Variants in TMEM123 observed in about 807,000 individuals in gnomAD.
TMEM123 encodes porimin.
TMEM123 carries 16 observed loss-of-function variants against 19.7 expected under a neutral mutation model. The ratio of observed to expected loss-of-function variants is 0.81; its 90% confidence interval spans 0.55 to 1.23. TMEM123 has a LOEUF of 1.23. TMEM123 is among the 50% of genes most tolerant of loss of function. TMEM123 has a pLI of 0.00. For synonymous variants in TMEM123, 118 were observed against 99.4 expected (o/e 1.19, Z -1.12); for missense variants, 313 against 257.8 (o/e 1.21, Z -1.47).
At chr11:102,425,868 G>C (rs370374300) in intron 2 of TMEM123, among the ~76,000 whole-genome samples, 5 of 152,014 alleles carry the variant, frequency 3.3e-5, no homozygotes, top group African/African-American at 1.2e-4. Context: ...CATTGTGCCC[G>C]GCCCTCGAGA....
intron 2 of TMEM123, among the ~76,000 whole-genome samples, chr11:102,422,126 AATC>A (rs1444360119): frequency 1.3e-5 from 2 of 152,226 alleles, no homozygotes; most frequent in East Asian, 1.9e-4. Flanking sequence ...ACTGCACTAG[AATC>A]ATCATCAATC....
chr11:102,442,482 A>C (rs1294124713), intron 2 of TMEM123, among the ~76,000 whole-genome samples: 3 of 152,190 alleles, frequency 2.0e-5, no homozygotes, highest in Non-Finnish European at 4.4e-5. Context: ...AAAGGCCTTC[A>C]ACAAAATTCA....
At position 102,398,551 on chromosome 11, in the gene TMEM123, G is replaced by T. The variant is rs1473281382; in HGVS notation, c.*316C>A. 2.3e-6 allele frequency: 1 copy of T among 439,712 alleles called. No homozygotes were observed. 27.2% of individuals were successfully genotyped at this position (439,712 alleles called of 1,614,324 possible). A position where few individuals can be genotyped will look rare whatever the true frequency, so the allele number is the denominator to read the frequency against. ...TGGCATTCTGTCTTTCAGTGATGAC[G>T]TCTTTCAATTACTGGTCATATGTGA... On this transcript the variant is annotated 3_prime_UTR_variant, in exon 5 of 5. Coordinates refer to ENST00000398136, the MANE Select transcript of TMEM123 (RefSeq NM_052932.3).
At chr11:102,419,509 A>C (rs1476937227) in intron 2 of TMEM123, among the ~76,000 whole-genome samples, 2 of 152,234 alleles carry the variant, frequency 1.3e-5, no homozygotes, top group African/African-American at 4.8e-5. Flanking sequence ...ATCAGCTCTC[A>C]GCTACCTAAA....
chr11:102,401,094 T>G (rs529321875), intron 4 of TMEM123, among the ~76,000 whole-genome samples: 114 of 152,312 alleles, frequency 7.5e-4, no homozygotes, highest in African/African-American at 2.6e-3. Context: ...ATTTAAATTT[T>G]CAGGGATAAT....
At chr11:102,416,374 G>C (rs1475650375) in intron 2 of TMEM123, among the ~76,000 whole-genome samples, 1 of 152,076 alleles carries the variant, frequency 6.6e-6, no homozygotes, top group East Asian at 1.9e-4. Flanking sequence ...AGACTATTAT[G>C]AACACCACTA....
At chr11:102,427,064 C>T (rs1226154468) in intron 2 of TMEM123, among the ~76,000 whole-genome samples, 1 of 147,124 alleles carries the variant, frequency 6.8e-6, no homozygotes, top group Non-Finnish European at 1.5e-5. Flanking sequence ...TTTTGTTTTG[C>T]GGGTTTTTTT....
chr11:102,411,730 T>C (rs966562085), intron 2 of TMEM123, among the ~76,000 whole-genome samples: 2 of 152,048 alleles, frequency 1.3e-5, no homozygotes, highest in Admixed American at 6.5e-5. Context: ...CGTATGATTA[T>C]AGAGAAACAG....
intron 2 of TMEM123, among the ~76,000 whole-genome samples, chr11:102,402,809 C>T (rs1305147127): frequency 6.6e-6 from 1 of 152,144 alleles, no homozygotes; most frequent in Non-Finnish European, 1.5e-5. Flanking sequence ...TAATAATTTC[C>T]CATAGTTGGA....
chr11:102,417,550 GAATC>G (rs1344494500), intron 2 of TMEM123, among the ~76,000 whole-genome samples: 3 of 152,200 alleles, frequency 2.0e-5, no homozygotes, highest in African/African-American at 7.2e-5. Context: ...TGGAGAGAAA[GAATC>G]AATATTATTA....
At chr11:102,445,246 G>A (rs1032110774) in intron 2 of TMEM123, among the ~76,000 whole-genome samples, 5 of 152,202 alleles carry the variant, frequency 3.3e-5, no homozygotes, top group Non-Finnish European at 7.3e-5. Flanking sequence ...AGGAGTTGAA[G>A]CAGTTAAGTG....
intron 2 of TMEM123, among the ~76,000 whole-genome samples, chr11:102,402,457 AAAC>A (rs1951922809): frequency 6.6e-6 from 1 of 152,094 alleles, no homozygotes; most frequent in African/African-American, 2.4e-5. Context: ...AGAAAAAAAA[AAAC>A]AACCCAGAAG....
chr11:102,444,301 T>C (rs1857859047), intron 2 of TMEM123, among the ~76,000 whole-genome samples: 1 of 152,202 alleles, frequency 6.6e-6, no homozygotes, highest in Non-Finnish European at 1.5e-5. Flanking sequence ...GCAACCCAAA[T>C]GTCCATCAAT....
Position 102,398,704 on chromosome 11 carries a change from A to T in TMEM123, c.*163T>A, listed in dbSNP as rs1951882330. ...TTATTTCAAAACCCAAACCCTTGTT[A>T]CCTTGAAGAATCTTTACATATTTAC... On this transcript the variant is annotated 3_prime_UTR_variant, in exon 5 of 5. Coordinates refer to ENST00000398136, the MANE Select transcript of TMEM123 (RefSeq NM_052932.3). 5.8e-6 allele frequency: 4 copies of T among 695,140 alleles called. No homozygotes were observed. Among genetic ancestry groups the T allele is most frequent in the Non-Finnish European group, 9.3e-6 (4 of 428,668 alleles). 43.1% of individuals were successfully genotyped at this position (695,140 alleles called of 1,614,324 possible).
intron 2 of TMEM123, among the ~76,000 whole-genome samples, chr11:102,419,142 T>C (rs1311462755): frequency 2.6e-5 from 4 of 152,196 alleles, no homozygotes; most frequent in African/African-American, 7.2e-5. Context: ...AATCTGCACA[T>C]GTACCCTCGA....
At position 102,398,782 on chromosome 11, in the gene TMEM123, G is replaced by T. The variant is rs1951883172; in HGVS notation, c.*85C>A. 4 of 1,356,628 alleles carry T rather than the reference G, an allele frequency of 2.9e-6. No homozygotes were observed. The highest frequency in any genetic ancestry group is 2.5e-5 in the South Asian group (2 of 81,356). 84.0% of individuals were successfully genotyped at this position (1,356,628 alleles called of 1,614,324 possible). Reference sequence around the variant, plus strand: ...CCTGTTTATACTATTTTCAAAAAGAGAATATTGTTTTAAACTATTAATAAA... The same window carrying T: ...CCTGTTTATACTATTTTCAAAAAGATAATATTGTTTTAAACTATTAATAAA... On this transcript the variant is annotated 3_prime_UTR_variant, in exon 5 of 5. Transcript: ENST00000398136.
chr11:102,409,289 G>A (rs1951982139), intron 2 of TMEM123, among the ~76,000 whole-genome samples: 1 of 152,086 alleles, frequency 6.6e-6, no homozygotes, highest in Non-Finnish European at 1.5e-5. Flanking sequence ...TTCTAAGAAT[G>A]GTCTGCAGCT....
chr11:102,419,666 A>AAAT (rs1952070332), intron 2 of TMEM123, among the ~76,000 whole-genome samples: 2 of 152,274 alleles, frequency 1.3e-5, no homozygotes, highest in African/African-American at 4.8e-5. Flanking sequence ...GGTCTCTATT[A>AAAT]GAAGAATAAT....
chr11:102,441,723 A>C (rs575356621), intron 2 of TMEM123, among the ~76,000 whole-genome samples: 10 of 150,564 alleles, frequency 6.6e-5, no homozygotes, highest in African/African-American at 2.2e-4. Context: ...CAGACACACA[A>C]AAAACCCTTC....
Sources: gnomAD v4.1 joint callset for allele counts (sites outside exome capture counted in the v4.1 genomes callset) on GRCh38, gnomAD v4.1.1 for gene constraint, MANE v1.5 for transcripts, NCBI Gene and HGNC (gene_info 2026-07-23, HGNC 2026-07-21) for gene names.